The following DLGAP2 variants were observed in gnomAD, a reference collection of about 807,000 sequenced individuals.
The protein encoded by DLGAP2 is DLG associated protein 2.
A neutral mutation model predicts 100.3 loss-of-function variants in DLGAP2; 26 were observed. That is an observed-to-expected ratio of 0.26 (90% CI 0.19 to 0.36). The LOEUF (loss-of-function observed/expected upper bound fraction) is 0.36, where lower values mean the gene tolerates loss of function less well. DLGAP2 is among the 10% of genes least tolerant of loss of function. The pLI, the probability that DLGAP2 is intolerant of heterozygous loss-of-function variation, is 1.00. For missense variants in DLGAP2, 1,858 were observed against 1,453.2 expected, an observed-to-expected ratio of 1.28 and a Z score of -4.53; for synonymous variants, 886 against 630.1, an observed-to-expected ratio of 1.41 and a Z score of -6.08.
At chr8:1,420,034 T>C (rs539550225) in intron 3 of DLGAP2, among the ~76,000 whole-genome samples, 1 of 152,178 alleles carries the variant, frequency 6.6e-6, no homozygotes, top group African/African-American at 2.4e-5. Flanking sequence ...ATGTAGACTT[T>C]GTTACATAAG....
At chr8:980,354 T>C (rs971706434) in intron 2 of DLGAP2, among the ~76,000 whole-genome samples, 1 of 152,200 alleles carries the variant, frequency 6.6e-6, no homozygotes, top group East Asian at 1.9e-4. Context: ...GGCTGTAGGG[T>C]CCAGATTGCA....
rs1274699013 is a variant in DLGAP2, at chr8:1,708,032, A to C, written c.*6626A>C. The C allele has an allele frequency of 1.3e-5, 2 of 152,620 alleles. No individual in the cohort carries two copies. Among genetic ancestry groups the C allele is most frequent in the East Asian group, 1.9e-4 (1 of 5,198 alleles). 9.5% of individuals were successfully genotyped at this position (152,620 alleles called of 1,614,324 possible). A position where few individuals can be genotyped will look rare whatever the true frequency, so the allele number is the denominator to read the frequency against. ...TTAATAACTTACCAGAATGTTGGTC[A>C]TTCCTTTAAGGCAGTTAAGGATTGC... On this transcript the variant is annotated 3_prime_UTR_variant, in exon 15 of 15. Coordinates refer to ENST00000637795, the MANE Select transcript of DLGAP2 (RefSeq NM_001346810.2).
At chr8:1,335,428 G>A (rs1463027610) in intron 3 of DLGAP2, among the ~76,000 whole-genome samples, 1 of 152,204 alleles carries the variant, frequency 6.6e-6, no homozygotes, top group Non-Finnish European at 1.5e-5. Flanking sequence ...CTGACACTAT[G>A]CTGTGTCCAG....
intron 3 of DLGAP2, among the ~76,000 whole-genome samples, chr8:1,288,922 A>G (rs1440197496): frequency 1.3e-5 from 2 of 152,186 alleles, no homozygotes; most frequent in Admixed American, 6.5e-5. Context: ...AGAAAATTGT[A>G]TAAGATTTTT....
chr8:958,875 A>G (rs939763269), intron 2 of DLGAP2, among the ~76,000 whole-genome samples: 7 of 152,236 alleles, frequency 4.6e-5, no homozygotes, highest in Non-Finnish European at 5.9e-5. Context: ...CGGAAATCTT[A>G]TACATACAAA....
intron 2 of DLGAP2, among the ~76,000 whole-genome samples, chr8:928,707 G>A (rs1798874014): frequency 6.6e-6 from 1 of 152,086 alleles, no homozygotes; most frequent in African/African-American, 2.4e-5. Context: ...GGCGCAAGGT[G>A]TCCACATGTG....
chr8:1,051,284 A>ATTTT (rs1802702531), intron 2 of DLGAP2, among the ~76,000 whole-genome samples: 1 of 151,956 alleles, frequency 6.6e-6, no homozygotes, highest in Non-Finnish European at 1.5e-5. Flanking sequence ...TGGATGGAGC[A>ATTTT]TTTTTCAGCA....
At chr8:1,201,858 GTATC>G (rs1159707520) in intron 2 of DLGAP2, among the ~76,000 whole-genome samples, 6 of 152,144 alleles carry the variant, frequency 3.9e-5, no homozygotes, top group African/African-American at 7.2e-5. Context: ...TATGTGTACG[GTATC>G]TATCTGTGGT....
intron 2 of DLGAP2, among the ~76,000 whole-genome samples, chr8:978,696 T>C (rs1302465007): frequency 6.6e-6 from 1 of 151,986 alleles, no homozygotes; most frequent in Non-Finnish European, 1.5e-5. Context: ...GGGGATTCAC[T>C]GAGGGGCTGA....
intron 6 of DLGAP2, among the ~76,000 whole-genome samples, chr8:1,605,908 A>G (rs564620838): frequency 3.9e-5 from 6 of 152,370 alleles, no homozygotes; most frequent in African/African-American, 1.4e-4. Flanking sequence ...TTCAGGCTCA[A>G]ATCTCAGCTC....
chr8:1,367,009 AT>A (rs745865223), intron 3 of DLGAP2, among the ~76,000 whole-genome samples: 2 of 152,208 alleles, frequency 1.3e-5, no homozygotes, highest in African/African-American at 2.4e-5. Context: ...CAGTGTTAAC[AT>A]TTACATGGCA....
chr8:1,338,144 A>G (rs1801331801), intron 3 of DLGAP2, among the ~76,000 whole-genome samples: 1 of 152,266 alleles, frequency 6.6e-6, no homozygotes, highest in African/African-American at 2.4e-5. Flanking sequence ...AAAGTTAAAC[A>G]GACAGTTACC....
At chr8:877,900 A>G (rs1411959698) in intron 1 of DLGAP2, among the ~76,000 whole-genome samples, 1 of 152,198 alleles carries the variant, frequency 6.6e-6, no homozygotes, top group Non-Finnish European at 1.5e-5. Flanking sequence ...AGACATCCCA[A>G]GTGGAGTCTC....
chr8:1,473,626 G>A (rs1798858300), intron 3 of DLGAP2, among the ~76,000 whole-genome samples: 1 of 152,196 alleles, frequency 6.6e-6, no homozygotes, highest in African/African-American at 2.4e-5. Flanking sequence ...TGAATACGGT[G>A]TAGGCTATGG....
intron 2 of DLGAP2, among the ~76,000 whole-genome samples, chr8:946,542 C>G (rs951618630): frequency 1.3e-5 from 2 of 152,176 alleles, no homozygotes; most frequent in Admixed American, 6.5e-5. Context: ...GGATTACAGG[C>G]GTGAGCCACC....
At chr8:965,579 CG>C (rs1799841380) in intron 2 of DLGAP2, among the ~76,000 whole-genome samples, 1 of 143,700 alleles carries the variant, frequency 7.0e-6, no homozygotes, top group South Asian at 2.3e-4. Context: ...CGCGTGCACA[CG>C]GCACTGTTCA....
intron 2 of DLGAP2, among the ~76,000 whole-genome samples, chr8:919,191 A>G (rs1213861824): frequency 6.6e-6 from 1 of 152,218 alleles, no homozygotes; most frequent in Non-Finnish European, 1.5e-5. Flanking sequence ...AAGACTTGAC[A>G]TTGTAATTGA....
chr8:1,640,948 G>A (rs926795303), intron 8 of DLGAP2, among the ~76,000 whole-genome samples: 1 of 152,214 alleles, frequency 6.6e-6, no homozygotes, highest in Non-Finnish European at 1.5e-5. Flanking sequence ...GATGAAAGCC[G>A]GTTGGCCCTG....
chr8:1,419,317 T>C (rs1255762850), intron 3 of DLGAP2, among the ~76,000 whole-genome samples: 1 of 108,214 alleles, frequency 9.2e-6, no homozygotes, highest in Non-Finnish European at 1.9e-5. Flanking sequence ...TGTTACACTC[T>C]GATACGTGTG....
Sources: gnomAD v4.1 joint callset for allele counts (sites outside exome capture counted in the v4.1 genomes callset) on GRCh38, gnomAD v4.1.1 for gene constraint, MANE v1.5 for transcripts, NCBI Gene and HGNC (gene_info 2026-07-23, HGNC 2026-07-21) for gene names.